Variants in APLP2 observed in about 807,000 individuals in gnomAD.
APLP2 encodes CDEI box-binding protein.
APLP2 carries 53 observed loss-of-function variants against 89.9 expected under a neutral mutation model. The observed-to-expected ratio is 0.59, with a 90% confidence interval of 0.47 to 0.74. APLP2 has a LOEUF of 0.74. Ranked by LOEUF, APLP2 falls within the 30% of genes least tolerant of loss-of-function variation. APLP2 has a pLI of 0.00. For synonymous variants in APLP2, 372 were observed against 348.6 expected, an observed-to-expected ratio of 1.07 and a Z score of -0.75; for missense variants, 973 against 975.9, an observed-to-expected ratio of 1.00 and a Z score of 0.04.
At chr11:130,122,209 CCT>C (rs1949905483) in intron 5 of APLP2, 94 bp from the exon 6 acceptor site, 1 of 1,407,120 alleles carries the variant, frequency 7.1e-7, no homozygotes. Context: ...TTATTTCCTG[CCT>C]CTGTTTTTGT....
At chr11:130,098,329 C>T (rs1946481843) in intron 1 of APLP2, among the ~76,000 whole-genome samples, 1 of 151,298 alleles carries the variant, frequency 6.6e-6, no homozygotes, top group Admixed American at 6.6e-5. Flanking sequence ...TGCTAGAACC[C>T]GGGAGTCGGA....
chr11:130,076,205 G>C (rs1038337016), intron 1 of APLP2, among the ~76,000 whole-genome samples: 17 of 152,070 alleles, frequency 1.1e-4, no homozygotes, highest in Non-Finnish European at 2.5e-4. Flanking sequence ...CTCCTGAGTA[G>C]CTGGGATTAC....
chr11:130,143,269 A>G, intron 16 of APLP2, 78 bp from the exon 17 acceptor site: 9 of 1,344,768 alleles, frequency 6.7e-6, no homozygotes, highest in Non-Finnish European at 9.6e-6. Flanking sequence ...ATTGTGCAGC[A>G]AATGGCTCAG....
Position 130,078,253 on chromosome 11 carries a change from C to T in APLP2, c.105+8171C>T, listed in dbSNP as rs1018737445. On this transcript the variant is annotated intron_variant, in intron 1 of 16. Coordinates refer to ENST00000338167, the MANE Select transcript of APLP2 (RefSeq NM_001142276.2). ...TCTCATTCACTAGACACATTTTTGA[C>T]AGCCACGTGTATTGAGTGTAGCTGT... is the stretch of plus-strand genomic sequence containing the variant. Among the ~76,000 whole-genome samples the T allele has an allele frequency of 2.4e-4, 37 of 151,682 alleles. No homozygotes were observed. In the Middle Eastern group the frequency reaches 0.01, roughly 42 times the overall value.
At chr11:130,070,865 C>G in intron 1 of APLP2, 30 of 899,962 alleles carry the variant, frequency 3.3e-5, no homozygotes, top group Non-Finnish European at 4.2e-5. Flanking sequence ...GGTTGTGCTT[C>G]GAGGTCGCAC....
rs1235716547 is a variant in APLP2, at chr11:130,122,457, C to T, written c.866C>T (p.Thr289Ile). ...KGDDYNEENP[T>I]EPGSDGTMSD... The stretch of plus-strand genomic sequence containing the variant: ...GATGACTACAATGAGGAGAATCCTA[C>T]TGAACCCGGCAGCGACGGCACCATG... Residue 289 changes from threonine (T) to isoleucine (I), a missense_variant, in exon 6 of 17, where the codon ACT (threonine) becomes ATT (isoleucine). Transcript: ENST00000338167. 6 of 1,614,140 alleles carry T rather than the reference C, an allele frequency of 3.7e-6. No individual in the cohort carries two copies. The highest frequency in any genetic ancestry group is 5.1e-6 in the Non-Finnish European group (6 of 1,180,002).
intron 13 of APLP2, chr11:130,137,348 T>A (rs894708904): frequency 1.4e-6 from 2 of 1,459,760 alleles, no homozygotes; most frequent in Admixed American, 1.7e-5. Flanking sequence ...CTCCCTAGTG[T>A]GTCCGAAGCT....
chr11:130,130,244 C>T lies in APLP2; in HGVS notation c.1584+78C>T, dbSNP rs974804834. ...CATAATGCCTTGACTAATGGTTGAC[C>T]AGCACTGCTAGTTGCATTTGCTACT... On this transcript the variant is annotated intron_variant, in intron 11 of 16. Transcript: ENST00000338167. 6.8e-5 allele frequency: 108 copies of T among 1,585,866 alleles called. No individual in the cohort carries two copies. In the Admixed American group the frequency reaches 1.8e-3, roughly 26 times the overall value.
chr11:130,085,163 C>G (rs971771825), intron 1 of APLP2, among the ~76,000 whole-genome samples: 5 of 152,080 alleles, frequency 3.3e-5, no homozygotes, highest in African/African-American at 7.2e-5. Flanking sequence ...AAAAACCTCC[C>G]AACAGGCTGA....
intron 3 of APLP2, among the ~76,000 whole-genome samples, chr11:130,117,757 G>A (rs1469435290): frequency 6.6e-6 from 1 of 152,112 alleles, no homozygotes; most frequent in Non-Finnish European, 1.5e-5. Context: ...TTTATCCAAG[G>A]TGTTGTATAG....
intron 1 of APLP2, chr11:130,100,543 C>G (rs746277174): frequency 6.6e-6 from 1 of 151,990 alleles, no homozygotes; most frequent in African/African-American, 2.4e-5. Flanking sequence ...AAAGACAGAC[C>G]TCTATTAAAT....
intron 11 of APLP2, among the ~76,000 whole-genome samples, chr11:130,132,119 G>T (rs985815283): frequency 1.1e-4 from 16 of 152,132 alleles, no homozygotes; most frequent in African/African-American, 3.9e-4. Context: ...TGTCCTCTGT[G>T]AGTGTATGAA....
At position 130,123,861 on chromosome 11, in the gene APLP2, C is replaced by A; in HGVS notation, c.1090+82C>A. ...CTCCCTGCCGTCTTCGTGGCTGCATCTGTGTGGTGTCCCTGCCCACTCGGG... is the reference window on the plus strand; with the variant it reads ...CTCCCTGCCGTCTTCGTGGCTGCATATGTGTGGTGTCCCTGCCCACTCGGG... On this transcript the variant is annotated intron_variant, in intron 7 of 16. Coordinates refer to ENST00000338167, the MANE Select transcript of APLP2 (RefSeq NM_001142276.2). The surrounding 1 kb of genome is among the most constrained non-coding windows in gnomAD (Gnocchi z 4.0). The A allele has an allele frequency of 6.7e-7, 1 of 1,493,128 alleles. No homozygotes were observed. The highest frequency in any genetic ancestry group is 9.2e-7 in the Non-Finnish European group (1 of 1,088,414). 92.5% of individuals were successfully genotyped at this position (1,493,128 alleles called of 1,614,324 possible). A position where few individuals can be genotyped will look rare whatever the true frequency, so the allele number is the denominator to read the frequency against.
In APLP2 at chr11:130,123,446, C is replaced by T. The variant is rs149433549; in HGVS notation, c.923-166C>T. On this transcript the variant is annotated intron_variant, in intron 6 of 16. Transcript: ENST00000338167. This position sits in a 1 kb window ranked among gnomAD's most constrained non-coding sequence, Gnocchi z 4.0. ...TCTACTCTGTGGGGAAGCAACTTGTCCTCAGCAAGGCTGGCCTGAGCTGGA... is the reference window on the plus strand; with the variant it reads ...TCTACTCTGTGGGGAAGCAACTTGTTCTCAGCAAGGCTGGCCTGAGCTGGA... Among the ~76,000 whole-genome samples the T allele has an allele frequency of 4.5e-3, 690 of 152,378 alleles. 3 individuals carry two copies. Among genetic ancestry groups the T allele is most frequent in the African/African-American group, 0.015 (618 of 41,592 alleles).
chr11:130,073,360 T>A (rs1941483893), intron 1 of APLP2, among the ~76,000 whole-genome samples: 1 of 152,258 alleles, frequency 6.6e-6, no homozygotes, highest in Non-Finnish European at 1.5e-5. Context: ...TAGATGGTGC[T>A]GATTTAAAAT....
intron 1 of APLP2, among the ~76,000 whole-genome samples, chr11:130,090,643 A>G (rs1379383318): frequency 3.9e-5 from 6 of 152,078 alleles, no homozygotes; most frequent in Non-Finnish European, 8.8e-5. Context: ...AACAAAATGA[A>G]AAGTCTCCCA....
At chr11:130,127,061 GC>G (rs1950448825) in intron 8 of APLP2, among the ~76,000 whole-genome samples, 1 of 124,034 alleles carries the variant, frequency 8.1e-6, no homozygotes, top group African/African-American at 4.3e-5. Context: ...ACCATTATCT[GC>G]CCTTTTTTTT....
intron 12 of APLP2, among the ~76,000 whole-genome samples, chr11:130,134,219 A>G (rs1260719569): frequency 6.6e-6 from 1 of 152,244 alleles, no homozygotes; most frequent in Non-Finnish European, 1.5e-5. Flanking sequence ...AAAAACAGAT[A>G]GTAAAACAAG....
At chr11:130,093,103 A>G (rs1486652520) in intron 1 of APLP2, among the ~76,000 whole-genome samples, 2 of 152,180 alleles carry the variant, frequency 1.3e-5, no homozygotes, top group Non-Finnish European at 2.9e-5. Flanking sequence ...AAGGTGAGGG[A>G]CTGAGCAGTG....
Sources: gnomAD v4.1 joint callset for allele counts (sites outside exome capture counted in the v4.1 genomes callset) on GRCh38, gnomAD v4.1.1 for gene constraint, Gnocchi (gnomAD v3.1) non-coding constraint, MANE v1.5 for transcripts, NCBI Gene and HGNC (gene_info 2026-07-23, HGNC 2026-07-21) for gene names.